Variants in FGR observed in about 807,000 individuals in gnomAD.
FGR encodes the protein tyrosine-protein kinase Fgr.
Under a neutral mutation model 63.2 loss-of-function variants are expected in FGR, and 26 were observed. The ratio of observed to expected loss-of-function variants is 0.41; its 90% CI spans 0.30 to 0.57. The LOEUF is 0.57. Ranked by LOEUF, FGR falls within the 20% of genes least tolerant of loss-of-function variation. The pLI is 0.27. For missense variants in FGR, 511 were observed against 690.8 expected (o/e 0.74, Z 2.92); for synonymous variants, 286 against 277.7 (o/e 1.03, Z -0.30).
intron 1 of FGR, among the ~76,000 whole-genome samples, chr1:27,625,766 C>T (rs2090011809): frequency 6.6e-6 from 1 of 152,104 alleles, no homozygotes; most frequent in African/African-American, 2.4e-5. Context: ...TGGTGAAACC[C>T]CGTCTCTACT....
At chr1:27,614,227 C>G (rs1323660789) in intron 11 of FGR, among the ~76,000 whole-genome samples, 1 of 152,180 alleles carries the variant, frequency 6.6e-6, no homozygotes, top group Non-Finnish European at 1.5e-5. Flanking sequence ...AACGGCAGCT[C>G]CCAGAGGTTA....
At position 27,617,356 on chromosome 1, in the gene FGR, T is replaced by C; in HGVS notation, c.429-60A>G. The C allele has an allele frequency of 8.2e-7, 1 of 1,215,780 alleles. No individual in the cohort carries two copies. The allele number at this position is 1,215,780 out of a possible 1,614,324, so 75.3% of individuals were successfully genotyped here. Reference sequence around the variant, plus strand: ...CTGCTCAAACCTCACCTCAGCCTCCTGCACAGTCACCTCACAAGCCAAGAC... The same window carrying C: ...CTGCTCAAACCTCACCTCAGCCTCCCGCACAGTCACCTCACAAGCCAAGAC... On this transcript the variant is annotated intron_variant, in intron 5 of 12. Coordinates refer to ENST00000374005, the MANE Select transcript of FGR (RefSeq NM_005248.3). This position sits in a 1 kb window ranked among gnomAD's most constrained non-coding sequence, Gnocchi z 4.5.
chr1:27,616,895 T>C lies in FGR; in HGVS notation c.644A>G (p.Gln215Arg), dbSNP rs746522240. The C allele has an allele frequency of 2.5e-6, 4 of 1,614,102 alleles. No homozygotes were observed. Among genetic ancestry groups the C allele is most frequent in the Non-Finnish European group, 3.4e-6 (4 of 1,180,044 alleles). ...CACCAGCTCCTGCACCGAGTTGAAC[T>C]GAACCCGTGTGGTGATGTAGTAGCC... ...MGGYYITTRV[Q>R]FNSVQELVQH... Residue 215 changes from glutamine (Q) to arginine (R), a missense_variant, in exon 7 of 13, where the codon CAG becomes CGG. By Grantham distance (43) the Gln-to-Arg change is conservative. Coordinates refer to ENST00000374005, the MANE Select transcript of FGR (RefSeq NM_005248.3). The surrounding 1 kb of genome is among the most constrained non-coding windows in gnomAD (Gnocchi z 4.3).
chr1:27,613,643 C>G (rs1210323372), intron 11 of FGR, among the ~76,000 whole-genome samples: 1 of 147,308 alleles, frequency 6.8e-6, no homozygotes, highest in Non-Finnish European at 1.5e-5. Context: ...GCTTCAATAA[C>G]CTGAGATCGC....
chr1:27,634,739 T>C (rs2148533741), intron 1 of FGR, among the ~76,000 whole-genome samples: 1 of 151,652 alleles, frequency 6.6e-6, no homozygotes, highest in African/African-American at 2.4e-5. Context: ...CCCTTAATCC[T>C]TCTCCCCCAC....
chr1:27,629,171 G>A (rs137861261), intron 1 of FGR, among the ~76,000 whole-genome samples: 2 of 152,072 alleles, frequency 1.3e-5, no homozygotes, highest in East Asian at 3.9e-4. Flanking sequence ...GACAGAGACA[G>A]AGAAACACAG....
Position 27,615,917 on chromosome 1 carries a change from C to T in FGR, c.683-73G>A. 6.9e-7 allele frequency: 1 copy of T among 1,445,924 alleles called. No individual in the cohort carries two copies. Among genetic ancestry groups the T allele is most frequent in the Non-Finnish European group, 9.3e-7 (1 of 1,080,926 alleles). 89.6% of individuals were successfully genotyped at this position (1,445,924 alleles called of 1,614,324 possible). A position where few individuals can be genotyped will look rare whatever the true frequency, so the allele number is the denominator to read the frequency against. ...CCCTCCACTCCTTATCCTATCCCAG[C>T]CTGGTGCCAGACCCTAAGATCAGTT... is the stretch of plus-strand genomic sequence containing the variant. On this transcript the variant is annotated intron_variant, in intron 7 of 12. Transcript: ENST00000374005. The surrounding 1 kb of genome is among the most constrained non-coding windows in gnomAD (Gnocchi z 7.6).
chr1:27,624,434 T>A (rs1167869585), intron 2 of FGR, among the ~76,000 whole-genome samples: 1 of 152,166 alleles, frequency 6.6e-6, no homozygotes, highest in Non-Finnish European at 1.5e-5. Flanking sequence ...GACAAGGTCT[T>A]GCTATATTGC....
intron 1 of FGR, among the ~76,000 whole-genome samples, chr1:27,630,009 G>T (rs1413645655): frequency 6.6e-6 from 1 of 152,126 alleles, no homozygotes; most frequent in Non-Finnish European, 1.5e-5. Flanking sequence ...CTTTGAATGT[G>T]GCCCAACACA....
chr1:27,616,824 G>A lies in FGR; in HGVS notation c.682+33C>T, dbSNP rs780154857. On this transcript the variant is annotated intron_variant, in intron 7 of 12. Transcript: ENST00000374005. The surrounding 1 kb of genome is among the most constrained non-coding windows in gnomAD (Gnocchi z 4.3). ...CCCCATCTGGACAATGCTTCAGTTG[G>A]TTGGTTCAGGGATCTGAGGCCCCTG... The A allele has an allele frequency of 3.7e-6, 6 of 1,610,414 alleles. No homozygotes were observed. Among genetic ancestry groups the A allele is most frequent in the Non-Finnish European group, 5.1e-6 (6 of 1,176,858 alleles).
intron 4 of FGR, among the ~76,000 whole-genome samples, chr1:27,622,161 A>G (rs2089940596): frequency 6.6e-6 from 1 of 151,854 alleles, no homozygotes; most frequent in Admixed American, 6.6e-5. Flanking sequence ...AAAATACAAA[A>G]AATTAGCCAG....
intron 1 of FGR, among the ~76,000 whole-genome samples, chr1:27,630,346 C>T (rs2090088624): frequency 6.6e-6 from 1 of 152,178 alleles, no homozygotes; most frequent in African/African-American, 2.4e-5. Context: ...AGCCACTGCA[C>T]CCGGCCTTTT....
chr1:27,629,041 T>C (rs2090066757), intron 1 of FGR, among the ~76,000 whole-genome samples: 1 of 150,740 alleles, frequency 6.6e-6, no homozygotes, highest in Non-Finnish European at 1.5e-5. Flanking sequence ...AAGAAAGAGA[T>C]GGGGAAAGAC....
At chr1:27,628,617 C>T (rs752856646) in intron 1 of FGR, among the ~76,000 whole-genome samples, 2 of 151,566 alleles carry the variant, frequency 1.3e-5, no homozygotes, top group Non-Finnish European at 2.9e-5. Flanking sequence ...TATAGGAGAA[C>T]ATAGACTTAT....
chr1:27,620,066 C>T (rs2089891773), intron 5 of FGR, among the ~76,000 whole-genome samples: 1 of 152,218 alleles, frequency 6.6e-6, no homozygotes, highest in Non-Finnish European at 1.5e-5. Context: ...CCTGTAATCT[C>T]AGCACTTTGG....
intron 1 of FGR, among the ~76,000 whole-genome samples, chr1:27,631,437 C>T (rs921494180): frequency 8.5e-5 from 13 of 152,324 alleles, no homozygotes; most frequent in African/African-American, 2.4e-4. Flanking sequence ...GTCCTGCCCC[C>T]GCAACCCTCA....
rs745841299 is a variant in FGR at position 27,623,068 on chromosome 1, G to T, written c.303C>A (p.Gly101=). 7 of 1,613,966 alleles carry T rather than the reference G, an allele frequency of 4.3e-6. No individual in the cohort carries two copies. The Middle Eastern group carries it at 5.0e-4, about 114-fold the overall frequency. The change falls in exon 4 of 13, where the codon GGC becomes GGA. Residue 101 remains glycine, a synonymous_variant. Transcript: ENST00000374005. ...TATTGTTCAGGATGTGGAACTTCTC[G>T]CCCTTGGTGAAGGTGAGGTCATCCT... ...RTEDDLTFTK[G]EKFHILNNTE... is the part of the protein sequence containing the mutation.
At position 27,621,594 on chromosome 1, in the gene FGR, G is replaced by A. The variant is rs990134427; in HGVS notation, c.393C>T (p.Asn131=). ...SSGKTGCIPS[N]YVAPVDSIQA... ...GGATTGAGTCAACAGGGGCCACGTAGTTGCTGGGAATGCAGCCAGTTTTTC... is the reference window on the plus strand; with the variant it reads ...GGATTGAGTCAACAGGGGCCACGTAATTGCTGGGAATGCAGCCAGTTTTTC... The change falls in exon 5 of 13, where the codon AAC becomes AAT. Residue 131 remains asparagine (N), a synonymous_variant. Transcript: ENST00000374005. 3.1e-6 allele frequency: 5 copies of A among 1,613,982 alleles called. No individual in the cohort carries two copies. The highest frequency in any genetic ancestry group is 3.4e-6 in the Non-Finnish European group (4 of 1,179,950).
intron 1 of FGR, among the ~76,000 whole-genome samples, chr1:27,632,485 A>G (rs1396442156): frequency 6.6e-6 from 1 of 151,990 alleles, no homozygotes; most frequent in East Asian, 1.9e-4. Context: ...GAGGCCTCGA[A>G]ACTGCCTCCT....
Sources: gnomAD v4.1 joint callset for allele counts (sites outside exome capture counted in the v4.1 genomes callset) on GRCh38, gnomAD v4.1.1 for gene constraint, Gnocchi (gnomAD v3.1) non-coding constraint, MANE v1.5 for transcripts, NCBI Gene and HGNC (gene_info 2026-07-23, HGNC 2026-07-21) for gene names.